Variants in GGH observed in about 807,000 individuals in gnomAD.
GGH encodes the protein gamma-glutamyl hydrolase, also known as gamma-Glu-X carboxypeptidase.
A neutral mutation model predicts 39.2 loss-of-function variants in GGH; 18 were observed. That is an observed-to-expected ratio of 0.46 (90% CI 0.32 to 0.68). The LOEUF (loss-of-function observed/expected upper bound fraction) is 0.68, where lower values mean the gene tolerates loss of function less well. GGH is among the 30% of genes least tolerant of loss of function. GGH has a pLI of 0.04. For synonymous variants in GGH, 147 were observed against 138.8 expected, an observed-to-expected ratio of 1.06 and a Z score of -0.42; for missense variants, 367 against 384.1, an observed-to-expected ratio of 0.96 and a Z score of 0.37.
In GGH at chr8:63,017,295, A is replaced by C. The variant is rs1007012250; in HGVS notation, c.835+198T>G. ...TGAAGCATGTATGATAATTGAAGTA[A>C]CTGTCCTGGTTTTATTAGAATACCT... On this transcript the variant is annotated intron_variant, in intron 8 of 8. Transcript: ENST00000260118. The C allele has an allele frequency of 1.3e-5, 6 of 458,268 alleles. No individual in the cohort carries two copies. In the Admixed American group the frequency reaches 2.4e-4, roughly 18 times the overall value. The allele number at this position is 458,268 out of a possible 1,614,324, so 28.4% of individuals were successfully genotyped here. A position where few individuals can be genotyped will look rare whatever the true frequency, so the allele number is the denominator to read the frequency against.
At chr8:63,028,632 C>T (rs1233745366) in intron 3 of GGH, 6 of 152,140 alleles carry the variant, frequency 3.9e-5, no homozygotes, top group Non-Finnish European at 8.8e-5. Flanking sequence ...TAATTTAACC[C>T]ACTTTGGAGT....
At chr8:63,031,686 T>C (rs1387947807) in intron 2 of GGH, among the ~76,000 whole-genome samples, 2 of 152,216 alleles carry the variant, frequency 1.3e-5, no homozygotes, top group African/African-American at 4.8e-5. Context: ...TTGGTCCCCA[T>C]TTATCTCTAT....
At position 63,026,999 on chromosome 8, in the gene GGH, G is replaced by A. The variant is rs577450793; in HGVS notation, c.360+182C>T. ...GCTCTGAAGGGTCTCTGGAAGCCCAGGATTAGATGAAGCACATGGAAAATA... is the reference window on the plus strand; with the variant it reads ...GCTCTGAAGGGTCTCTGGAAGCCCAAGATTAGATGAAGCACATGGAAAATA... On this transcript the variant is annotated intron_variant, in intron 4 of 8. Transcript: ENST00000260118. 13 of 609,330 alleles carry A rather than the reference G, an allele frequency of 2.1e-5. No individual in the cohort carries two copies. The Admixed American group carries it at 3.1e-4, about 14-fold the overall frequency. 37.7% of individuals were successfully genotyped at this position (609,330 alleles called of 1,614,324 possible).
chr8:63,033,588 T>C (rs1279366748), intron 2 of GGH, among the ~76,000 whole-genome samples: 3 of 152,170 alleles, frequency 2.0e-5, no homozygotes, highest in Non-Finnish European at 4.4e-5. Flanking sequence ...TTGTAATGTC[T>C]CCTCTTTCAG....
At chr8:63,019,089 C>G (rs1194993463) in intron 7 of GGH, among the ~76,000 whole-genome samples, 2 of 152,142 alleles carry the variant, frequency 1.3e-5, no homozygotes, top group Non-Finnish European at 2.9e-5. Context: ...AATGGTAAAA[C>G]CGCTGATGCT....
chr8:63,028,557 C>G (rs1804739735), intron 3 of GGH: 1 of 152,090 alleles, frequency 6.6e-6, no homozygotes, highest in Non-Finnish European at 1.5e-5. Context: ...AATAAAGGTG[C>G]TTTTGAAGTC....
chr8:63,034,426 TATA>T lies in GGH; in HGVS notation c.224+1227_224+1229del, dbSNP rs1214975292. Reference sequence around the variant, plus strand: ...TATTATATTTGAACAGTATTTTTGTTATAATTTTTGATGAGGAATTGTTTGCAA... The same window carrying T: ...TATTATATTTGAACAGTATTTTTGTTATTTTTGATGAGGAATTGTTTGCAA... On this transcript the variant is annotated intron_variant, in intron 2 of 8. Coordinates refer to ENST00000260118, the MANE Select transcript of GGH (RefSeq NM_003878.3). 1.2e-4 allele frequency among the ~76,000 whole-genome samples: 19 copies of T among 152,304 alleles called. No individual in the cohort carries two copies. In the South Asian group the frequency reaches 3.1e-3, roughly 25 times the overall value.
At chr8:63,038,632 C>A in intron 1 of GGH, 28 bp downstream of exon 1, 1 of 1,272,864 alleles carries the variant, frequency 7.9e-7, no homozygotes, top group South Asian at 1.5e-5. Context: ...TCCTCCCCGT[C>A]TGCTGCGGCC....
intron 3 of GGH, among the ~76,000 whole-genome samples, chr8:63,027,708 T>C (rs1263898705): frequency 6.6e-6 from 1 of 152,128 alleles, no homozygotes; most frequent in Non-Finnish European, 1.5e-5. Context: ...AAGAACAAGC[T>C]GGTCATAAAA....
chr8:63,034,055 T>C (rs1384136504), intron 2 of GGH, among the ~76,000 whole-genome samples: 1 of 147,662 alleles, frequency 6.8e-6, no homozygotes, highest in Non-Finnish European at 1.5e-5. Context: ...TATTTTTATA[T>C]ATATCTCCCA....
chr8:63,015,962 A>G (rs1462010965), intron 8 of GGH, among the ~76,000 whole-genome samples: 3 of 152,228 alleles, frequency 2.0e-5, no homozygotes, highest in African/African-American at 7.2e-5. Context: ...TATATGGTGT[A>G]TCATCACTGG....
At chr8:63,022,042 C>G (rs1304270182) in intron 7 of GGH, among the ~76,000 whole-genome samples, 1 of 152,134 alleles carries the variant, frequency 6.6e-6, no homozygotes, top group South Asian at 2.1e-4. Flanking sequence ...AAGCTAGACA[C>G]ATATCCTTTG....
In GGH at chr8:63,035,652, A is replaced by C; in HGVS notation, c.224+4T>G. The C allele has an allele frequency of 6.3e-7, 1 of 1,597,512 alleles. No homozygotes were observed. The highest frequency in any genetic ancestry group is 8.5e-7 in the Non-Finnish European group (1 of 1,175,274). ...AAAAAAAAAAAAAAAACACTGAATCATACCTTACTGGTACAACTCTCGCAC... is the reference window on the plus strand; with the variant it reads ...AAAAAAAAAAAAAAAACACTGAATCCTACCTTACTGGTACAACTCTCGCAC... On this transcript the variant is annotated splice_donor_region_variant and intron_variant, in intron 2 of 8. Transcript: ENST00000260118.
At chr8:63,021,157 T>C (rs1002003686) in intron 7 of GGH, among the ~76,000 whole-genome samples, 3 of 152,208 alleles carry the variant, frequency 2.0e-5, no homozygotes, top group African/African-American at 7.2e-5. Flanking sequence ...ACATACAGCA[T>C]GTATTCCCTT....
chr8:63,025,718 G>C (rs149192860), intron 5 of GGH, among the ~76,000 whole-genome samples: 2 of 151,730 alleles, frequency 1.3e-5, no homozygotes, highest in East Asian at 1.9e-4. Flanking sequence ...GTGACAGAGA[G>C]AGACTCTGTC....
chr8:63,036,976 C>A (rs1280439933), intron 1 of GGH, among the ~76,000 whole-genome samples: 1 of 152,130 alleles, frequency 6.6e-6, no homozygotes, highest in Non-Finnish European at 1.5e-5. Context: ...AAACCCAGCC[C>A]CAGCAGAGTA....
At chr8:63,017,813 C>T (rs572497453) in intron 7 of GGH, 183 bp from the exon 8 acceptor site, 8 of 489,850 alleles carry the variant, frequency 1.6e-5, no homozygotes, top group African/African-American at 1.0e-4. Context: ...TTCCCTGTAA[C>T]GTATTTCACT....
chr8:63,032,468 T>A (rs1254739453), intron 2 of GGH, among the ~76,000 whole-genome samples: 1 of 152,204 alleles, frequency 6.6e-6, no homozygotes, highest in Non-Finnish European at 1.5e-5. Flanking sequence ...TGGGCATTTA[T>A]GACAACCTGA....
intron 2 of GGH, among the ~76,000 whole-genome samples, chr8:63,030,824 A>G (rs144844124): frequency 2.6e-5 from 4 of 152,082 alleles, no homozygotes; most frequent in Non-Finnish European, 5.9e-5. Context: ...ACCCTTGATC[A>G]AACACCCCTT....
Sources: allele counts gnomAD v4.1 joint callset (sites outside exome capture counted in the v4.1 genomes callset), GRCh38; gene constraint gnomAD v4.1.1; transcripts MANE v1.5; gene names NCBI Gene and HGNC (gene_info 2026-07-23, HGNC 2026-07-21).